The following NFATC3 variants were observed in gnomAD, a reference collection of about 807,000 sequenced individuals.
NFATC3 encodes nuclear factor of activated T cells 3, also known as nuclear factor of activated T-cells, cytoplasmic 3.
NFATC3 carries 46 observed loss-of-function variants against 98.6 expected under a neutral mutation model. The observed-to-expected ratio is 0.47, with a 90% CI of 0.37 to 0.60. The LOEUF (loss-of-function observed/expected upper bound fraction) is 0.60, where lower values mean the gene tolerates loss of function less well. Among genes scored for constraint, NFATC3 ranks in the 20% least tolerant of loss-of-function variants. The probability of loss-of-function intolerance (pLI) is 0.00; values close to 1 mark genes in which losing one functional copy is unlikely to be tolerated. For synonymous variants in NFATC3, 512 were observed against 472.2 expected (o/e 1.08, Z -1.09); for missense variants, 1,256 against 1,295.5 (o/e 0.97, Z 0.47).
Position 68,174,383 on chromosome 16 carries a change from C to T in NFATC3, c.1784C>T (p.Ser595Phe). 1 of 1,492,944 alleles carries T rather than the reference C, an allele frequency of 6.7e-7. No homozygotes were observed. Among genetic ancestry groups the T allele is most frequent in the Non-Finnish European group, 8.9e-7 (1 of 1,121,920 alleles). The allele number at this position is 1,492,944 out of a possible 1,614,324, so 92.5% of individuals were successfully genotyped here. The change falls in exon 6 of 10, where the codon TCT becomes TTT. Residue 595 changes from serine (S) to phenylalanine (F), a missense_variant. By Grantham distance (155) the Ser-to-Phe change is radical (BLOSUM62 -2). Coordinates refer to ENST00000346183, the MANE Select transcript of NFATC3 (RefSeq NM_173165.3). ...ASIPVECSQR[S>F]AQELPHIEKY... ...AAAAAATTTAAAACAGCCCAGCGGT[C>T]TGCTCAAGAACTTCCTCATATTGAG... is the stretch of plus-strand genomic sequence containing the variant.
intron 2 of NFATC3, among the ~76,000 whole-genome samples, chr16:68,124,810 A>T (rs1394106054): frequency 6.7e-6 from 1 of 150,272 alleles, no homozygotes; most frequent in African/African-American, 2.5e-5. Flanking sequence ...GCTCACTGCC[A>T]TCTCCGCCTT....
chr16:68,149,664 A>G (rs1196460570), intron 3 of NFATC3, among the ~76,000 whole-genome samples: 1 of 152,222 alleles, frequency 6.6e-6, no homozygotes, highest in African/African-American at 2.4e-5. Flanking sequence ...AACAGTGAAA[A>G]GGGTTACAAA....
intron 4 of NFATC3, 117 bp from the exon 5 acceptor site, chr16:68,166,726 T>C: frequency 1.3e-6 from 1 of 772,776 alleles, no homozygotes; most frequent in Admixed American, 3.0e-5. Context: ...ATATCTTTCT[T>C]TTTTGACCTA....
rs1258267341 is a variant in NFATC3 at position 68,126,595 on chromosome 16, A to G, written c.1386A>G (p.Gly462=). ...GGGCAGTAAAAGCATCTACTGGGGG[A>G]CATCCTGTTGTGAAGGTATGAGACT... The part of the protein sequence containing the change: ...SRGAVKASTG[G]HPVVKLLGYN... The change falls in exon 3 of 10, where the codon GGA becomes GGG. Residue 462 remains glycine (G), a synonymous_variant. Coordinates refer to ENST00000346183, the MANE Select transcript of NFATC3 (RefSeq NM_173165.3). The G allele has an allele frequency of 1.9e-6, 3 of 1,614,120 alleles. No individual in the cohort carries two copies. Among genetic ancestry groups the G allele is most frequent in the Non-Finnish European group, 2.5e-6 (3 of 1,180,006 alleles).
intron 4 of NFATC3, among the ~76,000 whole-genome samples, chr16:68,158,797 G>GT (rs1392952013): frequency 2.0e-5 from 3 of 152,116 alleles, no homozygotes; most frequent in African/African-American, 7.2e-5. Context: ...TGGAGGAAGG[G>GT]TAAAAGGGAA....
At position 68,226,304 on chromosome 16, in the gene NFATC3, A is replaced by G. The variant is rs377288188; in HGVS notation, c.3107-46A>G. ...GCTCAGCGTTGGGCATCATATGGCTAATCACTCAGAGGTCACTAATCACTC... is the reference window on the plus strand; with the variant it reads ...GCTCAGCGTTGGGCATCATATGGCTGATCACTCAGAGGTCACTAATCACTC... On this transcript the variant is annotated intron_variant, in intron 9 of 9. Coordinates refer to ENST00000346183, the MANE Select transcript of NFATC3 (RefSeq NM_173165.3). 12 of 1,538,916 alleles carry G rather than the reference A, an allele frequency of 7.8e-6. No homozygotes were observed. The Admixed American group carries it at 2.6e-4, about 33-fold the overall frequency.
chr16:68,189,628 A>G (rs1440334202), intron 8 of NFATC3, among the ~76,000 whole-genome samples: 2 of 152,196 alleles, frequency 1.3e-5, no homozygotes, highest in East Asian at 1.9e-4. Flanking sequence ...TAAGTCTTCA[A>G]TCCATGAACC....
At chr16:68,153,142 A>G (rs1003383910) in intron 3 of NFATC3, among the ~76,000 whole-genome samples, 1 of 152,218 alleles carries the variant, frequency 6.6e-6, no homozygotes, top group Admixed American at 6.5e-5. Context: ...CACGCCTGTA[A>G]TCTCAGCACT....
chr16:68,220,176 T>C (rs751728379), intron 9 of NFATC3, among the ~76,000 whole-genome samples: 3 of 152,194 alleles, frequency 2.0e-5, no homozygotes, highest in Non-Finnish European at 2.9e-5. Context: ...AGCACCCTTA[T>C]TGAGGACTGT....
At position 68,220,221 on chromosome 16, in the gene NFATC3, C is replaced by G. The variant is rs532726271; in HGVS notation, c.3107-6129C>G. 5.3e-5 allele frequency among the ~76,000 whole-genome samples: 8 copies of G among 152,232 alleles called. No individual in the cohort carries two copies. The South Asian group carries it at 1.0e-3, about 20-fold the overall frequency. On this transcript the variant is annotated intron_variant, in intron 9 of 9. Coordinates refer to ENST00000346183, the MANE Select transcript of NFATC3 (RefSeq NM_173165.3). Reference sequence around the variant, plus strand: ...TTCTAGGCTTTTAATTCACTTTGCTCTTTAAAGGGAGGAAAATGAGGGCTG... The same window carrying G: ...TTCTAGGCTTTTAATTCACTTTGCTGTTTAAAGGGAGGAAAATGAGGGCTG...
rs374860799 is a variant in NFATC3, at chr16:68,176,224, T to A, written c.1915+1710T>A. ...AACTCCTGACCTCACGATCCACCCG[T>A]CTCGGCCTCCCAAAGTGCTGGAATT... On this transcript the variant is annotated intron_variant, in intron 6 of 9. Coordinates refer to ENST00000346183, the MANE Select transcript of NFATC3 (RefSeq NM_173165.3). Among the ~76,000 whole-genome samples the A allele has an allele frequency of 3.2e-4, 49 of 151,942 alleles. 1 individual carries two copies. The highest frequency in any genetic ancestry group is 1.2e-3 in the Admixed American group (18 of 15,238).
At chr16:68,130,499 T>C (rs775142369) in intron 3 of NFATC3, among the ~76,000 whole-genome samples, 1 of 152,130 alleles carries the variant, frequency 6.6e-6, no homozygotes, top group East Asian at 1.9e-4. Flanking sequence ...TTAGATTATT[T>C]GGGGTTTTTT....
intron 5 of NFATC3, among the ~76,000 whole-genome samples, chr16:68,169,793 T>A (rs889164302): frequency 6.6e-6 from 1 of 151,926 alleles, no homozygotes; most frequent in Non-Finnish European, 1.5e-5. Flanking sequence ...ATACAAAAAT[T>A]AGCTGGGCAT....
At position 68,190,859 on chromosome 16, in the gene NFATC3, C is replaced by G; in HGVS notation, c.2190C>G (p.Ser730=). 5 of 1,614,202 alleles carry G rather than the reference C, an allele frequency of 3.1e-6. No individual in the cohort carries two copies. The highest frequency in any genetic ancestry group is 3.4e-6 in the Non-Finnish European group (4 of 1,180,042). The change falls in exon 9 of 10, where the codon TCC becomes TCG. Residue 730 remains serine (S), a synonymous_variant. Transcript: ENST00000346183. ...ATCCTGCTCAGACCCAGAGGCCTTC[C>G]TCTGATTCAGGGTGTTCACATGACA... The part of the protein sequence containing the change: ...VPHPAQTQRP[S]SDSGCSHDSV...
intron 3 of NFATC3, among the ~76,000 whole-genome samples, chr16:68,148,915 A>G (rs756623957): frequency 2.2e-4 from 33 of 152,232 alleles, no homozygotes; most frequent in Non-Finnish European, 4.3e-4. Flanking sequence ...AGGCTGAGGC[A>G]GAAGAATTGC....
intron 1 of NFATC3, among the ~76,000 whole-genome samples, chr16:68,093,306 C>T (rs781492015): frequency 6.7e-6 from 1 of 149,766 alleles, no homozygotes; most frequent in Non-Finnish European, 1.5e-5. Flanking sequence ...TTGTGTGATA[C>T]TGCTAAAAAG....
chr16:68,210,508 A>G lies in NFATC3; in HGVS notation c.3107-15842A>G, dbSNP rs567678197. ...AGAATTTTTACAAACACTTTTCTGC[A>G]TCTATCGAGATGATCATGTGGTTTT... On this transcript the variant is annotated intron_variant, in intron 9 of 9. Transcript: ENST00000346183. 4.3e-4 allele frequency among the ~76,000 whole-genome samples: 66 copies of G among 152,210 alleles called. 1 individual carries two copies. In the South Asian group the frequency reaches 0.011, roughly 25 times the overall value.
At chr16:68,097,845 G>A (rs546917686) in intron 1 of NFATC3, among the ~76,000 whole-genome samples, 10 of 152,256 alleles carry the variant, frequency 6.6e-5, no homozygotes, top group African/African-American at 2.4e-4. Context: ...CCCAAAAGAA[G>A]TTTGTTTGTG....
intron 3 of NFATC3, among the ~76,000 whole-genome samples, chr16:68,148,321 T>TTTATTTTTGTTA (rs1817107546): frequency 6.6e-6 from 1 of 152,128 alleles, no homozygotes; most frequent in African/African-American, 2.4e-5. Flanking sequence ...TGACCTAGGC[T>TTTATTTTTGTTA]TTATTTTTGT....
Sources: allele counts gnomAD v4.1 joint callset (sites outside exome capture counted in the v4.1 genomes callset), GRCh38; gene constraint gnomAD v4.1.1; transcripts MANE v1.5; gene names NCBI Gene and HGNC (gene_info 2026-07-23, HGNC 2026-07-21).